The following GSG1L2 variants were observed in gnomAD, a reference collection of about 807,000 sequenced individuals.
GSG1L2 encodes germ cell-specific gene 1-like protein 2.
A neutral mutation model predicts 9.0 loss-of-function variants in GSG1L2; 15 were observed. The ratio of observed to expected loss-of-function variants is 1.67; its 90% confidence interval spans 1.12 to 2.57. The LOEUF is 2.57. Among genes scored for constraint, GSG1L2 ranks in the 30% most tolerant of loss-of-function variants. GSG1L2 has a pLI of 0.00. For missense variants in GSG1L2, 286 were observed against 150.3 expected (o/e 1.90, Z -4.72); for synonymous variants, 127 against 57.9 (o/e 2.19, Z -5.41).
intron 3 of GSG1L2, 41 bp downstream of exon 3, chr17:9,808,778 ACTCTGCTTTCC>A (rs2066525999): frequency 1.4e-6 from 1 of 697,852 alleles, no homozygotes; most frequent in Non-Finnish European, 2.6e-6. Context: ...CCAGTCTGAC[ACTCTGCTTTCC>A]CTCTGGGGCA....
chr17:9,809,368 T>C (rs887037438), intron 2 of GSG1L2: 10 of 291,342 alleles, frequency 3.4e-5, no homozygotes, highest in African/African-American at 1.8e-4. Context: ...ACCTTCGCAG[T>C]GAGTGTTACA....
chr17:9,807,701 A>C, intron 3 of GSG1L2, 100 bp from the exon 4 acceptor site: 1 of 682,034 alleles, frequency 1.5e-6, no homozygotes, highest in Non-Finnish European at 2.7e-6. Flanking sequence ...AGCATTCATA[A>C]AGTCCTTTTG....
intron 1 of GSG1L2, among the ~76,000 whole-genome samples, chr17:9,817,984 T>G (rs1162435765): frequency 6.6e-6 from 1 of 152,154 alleles, no homozygotes; most frequent in Non-Finnish European, 1.5e-5. Context: ...CTCCATCTAT[T>G]AAAATCATAG....
At chr17:9,809,133 T>G in intron 2 of GSG1L2, 151 bp from the exon 3 acceptor site, 1 of 610,068 alleles carries the variant, frequency 1.6e-6, no homozygotes, top group Admixed American at 2.5e-5. Flanking sequence ...GAATCTTAGC[T>G]GGCAATGGAA....
intron 2 of GSG1L2, 65 bp downstream of exon 2, chr17:9,810,506 A>C: frequency 1.4e-6 from 1 of 696,390 alleles, no homozygotes; most frequent in Non-Finnish European, 2.6e-6. Flanking sequence ...TATTCCCAAT[A>C]AAACTATAAA....
rs559781933 is a variant in GSG1L2, at chr17:9,808,527, G to A, written c.511+303C>T. ...GAGCAGGATCCCTCCACAGACTCAT[G>A]CCTAAGTACTGCTTTCAGTGAAGTG... On this transcript the variant is annotated intron_variant, in intron 3 of 4. Transcript: ENST00000399363. Among the ~76,000 whole-genome samples, 4 of 152,292 alleles carry A rather than the reference G, an allele frequency of 2.6e-5. No homozygotes were observed. The East Asian group carries it at 7.7e-4, about 29-fold the overall frequency.
chr17:9,815,132 A>T (rs573354356), intron 1 of GSG1L2, among the ~76,000 whole-genome samples: 1 of 152,338 alleles, frequency 6.6e-6, no homozygotes, highest in Non-Finnish European at 1.5e-5. Flanking sequence ...TCACGCCTGT[A>T]ATCCCAGCAT....
In GSG1L2 at chr17:9,821,759, C is replaced by T; in HGVS notation, c.310+3G>A. 1.4e-6 allele frequency: 1 copy of T among 702,630 alleles called. No homozygotes were observed. The highest frequency in any genetic ancestry group is 2.6e-6 in the Non-Finnish European group (1 of 384,456). 43.5% of individuals were successfully genotyped at this position (702,630 alleles called of 1,614,324 possible). On this transcript the variant is annotated splice_donor_region_variant and intron_variant, in intron 1 of 4. Coordinates refer to ENST00000399363, the MANE Select transcript of GSG1L2 (RefSeq NM_001310219.2). Reference sequence around the variant, plus strand: ...TTCCCCAGAATCTACAGGCTTTGCTCACCTTCACCGTTGAGGCTCTCCTCG... The same window carrying T: ...TTCCCCAGAATCTACAGGCTTTGCTTACCTTCACCGTTGAGGCTCTCCTCG...
Position 9,800,804 on chromosome 17 carries a change from C to A in GSG1L2, c.*1582G>T, listed in dbSNP as rs1363156562. Among the ~76,000 whole-genome samples the A allele has an allele frequency of 2.6e-5, 4 of 152,190 alleles. No homozygotes were observed. The highest frequency in any genetic ancestry group is 3.9e-4 in the East Asian group (2 of 5,186). ...AGGGATGAAAAACCATATGAAAGAACCTGCACACTGCAAAGGGCAGAGGCT... is the reference window on the plus strand; with the variant it reads ...AGGGATGAAAAACCATATGAAAGAAACTGCACACTGCAAAGGGCAGAGGCT... On this transcript the variant is annotated 3_prime_UTR_variant, in exon 5 of 5. Coordinates refer to ENST00000399363, the MANE Select transcript of GSG1L2 (RefSeq NM_001310219.2).
chr17:9,821,089 C>T (rs1446422765), intron 1 of GSG1L2, among the ~76,000 whole-genome samples: 1 of 152,180 alleles, frequency 6.6e-6, no homozygotes, highest in Non-Finnish European at 1.5e-5. Flanking sequence ...AAGAAATTGA[C>T]TGTAATAAGC....
At chr17:9,821,162 T>C (rs1227022286) in intron 1 of GSG1L2, among the ~76,000 whole-genome samples, 3 of 152,120 alleles carry the variant, frequency 2.0e-5, no homozygotes, top group Non-Finnish European at 4.4e-5. Context: ...AGGTTTTGCG[T>C]CCCAAGCAGA....
intron 1 of GSG1L2, among the ~76,000 whole-genome samples, chr17:9,818,517 T>TC (rs2066576673): frequency 7.0e-6 from 1 of 142,190 alleles, no homozygotes; most frequent in African/African-American, 2.6e-5. Context: ...TTTTTTTTTT[T>TC]TTTTTTTTTT....
chr17:9,816,673 CTG>C (rs138253180), intron 1 of GSG1L2, among the ~76,000 whole-genome samples: 47,429 of 131,600 alleles, frequency 0.36, 8,123 homozygotes, highest in East Asian at 0.61. Context: ...GCGTGTGTGT[CTG>C]TGTGTGTGTG....
At chr17:9,805,197 C>T (rs1232184463) in intron 4 of GSG1L2, 1 of 152,002 alleles carries the variant, frequency 6.6e-6, no homozygotes, top group Non-Finnish European at 1.5e-5. Flanking sequence ...AGGAAATAAT[C>T]AAAGAAATAA....
intron 1 of GSG1L2, among the ~76,000 whole-genome samples, chr17:9,819,491 A>C (rs1246453337): frequency 1.3e-5 from 2 of 152,238 alleles, no homozygotes; most frequent in African/African-American, 4.8e-5. Flanking sequence ...GAAACACTTA[A>C]GTTAACTGTG....
chr17:9,814,963 G>C (rs1477756965), intron 1 of GSG1L2, among the ~76,000 whole-genome samples: 1 of 152,196 alleles, frequency 6.6e-6, no homozygotes, highest in African/African-American at 2.4e-5. Flanking sequence ...TCGCGTAAGT[G>C]CTGCCTGGGC....
intron 1 of GSG1L2, among the ~76,000 whole-genome samples, chr17:9,815,569 T>C (rs547427786): frequency 1.3e-3 from 202 of 152,352 alleles, no homozygotes; most frequent in African/African-American, 4.7e-3. Context: ...CTCAGAGATT[T>C]TGATGTGCTA....
In GSG1L2 at chr17:9,802,442, T is replaced by C. The variant is rs1483636582; in HGVS notation, c.826A>G (p.Arg276Gly). 2.9e-6 allele frequency: 2 copies of C among 700,096 alleles called. No homozygotes were observed. The highest frequency in any genetic ancestry group is 3.5e-5 in the African/African-American group (2 of 57,148). 43.4% of individuals were successfully genotyped at this position (700,096 alleles called of 1,614,324 possible). The change falls in exon 5 of 5, where the codon AGG (arginine) becomes GGG (glycine). Residue 276 changes from arginine (R) to glycine (G), a missense_variant. Transcript: ENST00000399363. ...AAPCPAEQAFRNVSGHLPPGA... is the reference protein window; with the variant it reads ...AAPCPAEQAFGNVSGHLPPGA... Reference sequence around the variant, plus strand: ...GGTGGGAGGTGTCCAGAAACATTCCTGAAGGCTTGTTCAGCAGGGCAAGGA... The same window carrying C: ...GGTGGGAGGTGTCCAGAAACATTCCCGAAGGCTTGTTCAGCAGGGCAAGGA...
At chr17:9,816,544 G>A (rs1230323756) in intron 1 of GSG1L2, among the ~76,000 whole-genome samples, 13 of 116,466 alleles carry the variant, frequency 1.1e-4, no homozygotes, top group African/African-American at 3.7e-4. Flanking sequence ...GTGCACGTGC[G>A]TGTGTCTGTG....
Sources: allele counts gnomAD v4.1 joint callset (sites outside exome capture counted in the v4.1 genomes callset), GRCh38; gene constraint gnomAD v4.1.1; transcripts MANE v1.5; gene names NCBI Gene and HGNC (gene_info 2026-07-23, HGNC 2026-07-21).